Variants in SAMD4A observed in about 807,000 individuals in gnomAD.
SAMD4A encodes protein Smaug homolog 1.
A neutral mutation model predicts 81.3 loss-of-function variants in SAMD4A; 33 were observed. The observed-to-expected ratio is 0.41, with a 90% confidence interval of 0.31 to 0.54. SAMD4A has a LOEUF of 0.54. SAMD4A is among the 20% of genes least tolerant of loss of function. The pLI is 0.37. For synonymous variants in SAMD4A, 389 were observed against 382.1 expected (o/e 1.02, Z -0.21); for missense variants, 854 against 951.1 (o/e 0.90, Z 1.34).
intron 6 of SAMD4A, among the ~76,000 whole-genome samples, chr14:54,756,170 T>A (rs1037807172): frequency 2.0e-5 from 3 of 152,222 alleles, no homozygotes; most frequent in African/African-American, 7.2e-5. Context: ...GTATACTTTT[T>A]AAAAATGTTT....
chr14:54,706,633 A>G (rs939511395), intron 3 of SAMD4A, among the ~76,000 whole-genome samples: 10 of 148,850 alleles, frequency 6.7e-5, no homozygotes, highest in African/African-American at 2.2e-4. Flanking sequence ...AAGAAAGAAA[A>G]AAACCAGGAA....
intron 2 of SAMD4A, chr14:54,694,977 G>T: frequency 1.0e-6 from 1 of 957,558 alleles, no homozygotes; most frequent in Non-Finnish European, 1.2e-6. Context: ...CCTGGTTCTT[G>T]CCTTTTGAGG....
At position 54,594,533 on chromosome 14, in the gene SAMD4A, A is replaced by G. The variant is rs142239901; in HGVS notation, c.196+26421A>G. 3.3e-4 allele frequency among the ~76,000 whole-genome samples: 50 copies of G among 152,362 alleles called. No homozygotes were observed. In the East Asian group the frequency reaches 8.5e-3, roughly 26 times the overall value. On this transcript the variant is annotated intron_variant, in intron 2 of 12. Transcript: ENST00000554335. ...GTTTCTCCTGGCTAGAAGTAAGATG[A>G]TAAGTACAAACAGCAGGACAGAACT...
At chr14:54,584,450 T>C (rs118093713) in intron 2 of SAMD4A, among the ~76,000 whole-genome samples, 1 of 152,316 alleles carries the variant, frequency 6.6e-6, no homozygotes, top group East Asian at 1.9e-4. Context: ...GGGACAACTG[T>C]TCAGATTAAC....
At chr14:54,685,602 G>T in intron 2 of SAMD4A, 52 of 424,536 alleles carry the variant, frequency 1.2e-4, no homozygotes, top group Admixed American at 6.2e-4. Context: ...TTTTCTTTGT[G>T]GTTTCAGAAA....
chr14:54,774,842 G>GACC, intron 9 of SAMD4A, 92 bp from the exon 10 acceptor site: 2 of 921,152 alleles, frequency 2.2e-6, no homozygotes, highest in Non-Finnish European at 3.3e-6. Flanking sequence ...AAAATGAGGA[G>GACC]ACCTCCAAGG....
rs199805520 is a variant in SAMD4A, at chr14:54,788,921, G to T, written c.2134G>T (p.Val712Phe). ...TTTGCTGCTTTCTCTCCCAGACGGG[G>T]TTGACCGGACCTCCACCATCTAGAA... ...SMTEHALGDG[V>F]DRTSTI is the part of the protein sequence containing the mutation. The change falls in exon 13 of 13, where the codon GTT becomes TTT. Residue 712 changes from valine to phenylalanine, a missense_variant. By Grantham distance (50) the Val-to-Phe change is conservative (BLOSUM62 -1). Coordinates refer to ENST00000554335, the MANE Select transcript of SAMD4A (RefSeq NM_015589.6). 6.2e-7 allele frequency: 1 copy of T among 1,614,200 alleles called. No individual in the cohort carries two copies.
intron 2 of SAMD4A, among the ~76,000 whole-genome samples, chr14:54,684,788 G>A (rs1477147634): frequency 6.6e-6 from 1 of 152,232 alleles, no homozygotes; most frequent in Non-Finnish European, 1.5e-5. Flanking sequence ...TCCAGACCTG[G>A]GCCTTTGGCC....
intron 2 of SAMD4A, among the ~76,000 whole-genome samples, chr14:54,655,561 G>A (rs534420552): frequency 9.8e-4 from 142 of 144,960 alleles, no homozygotes; most frequent in African/African-American, 3.5e-3. Flanking sequence ...GAAAAACCCC[G>A]TCTCTACTAA....
At chr14:54,785,911 C>G (rs1291242555) in intron 12 of SAMD4A, among the ~76,000 whole-genome samples, 5 of 152,158 alleles carry the variant, frequency 3.3e-5, no homozygotes, top group Non-Finnish European at 7.3e-5. Context: ...GTGACTTCCC[C>G]CAGAGCTCTA....
At chr14:54,700,310 G>T (rs2036681969) in intron 2 of SAMD4A, among the ~76,000 whole-genome samples, 1 of 152,134 alleles carries the variant, frequency 6.6e-6, no homozygotes, top group Admixed American at 6.5e-5. Flanking sequence ...ACTTACCAAG[G>T]TTCTACCACA....
intron 3 of SAMD4A, among the ~76,000 whole-genome samples, chr14:54,731,123 G>A (rs1175658064): frequency 1.1e-4 from 16 of 152,144 alleles, no homozygotes; most frequent in African/African-American, 2.9e-4. Flanking sequence ...GAAGCAGGCC[G>A]AAACCTAACA....
intron 6 of SAMD4A, among the ~76,000 whole-genome samples, chr14:54,755,938 C>G (rs1357631011): frequency 2.0e-5 from 3 of 151,028 alleles, no homozygotes; most frequent in Admixed American, 2.0e-4. Flanking sequence ...TACACACACA[C>G]TCATGCATTC....
chr14:54,695,519 G>A (rs1475230518), intron 2 of SAMD4A, among the ~76,000 whole-genome samples: 2 of 152,186 alleles, frequency 1.3e-5, no homozygotes, highest in African/African-American at 2.4e-5. Context: ...ATGACCTAAG[G>A]TCAGAACGCC....
At chr14:54,640,746 G>A (rs370479078) in intron 2 of SAMD4A, among the ~76,000 whole-genome samples, 18 of 152,214 alleles carry the variant, frequency 1.2e-4, no homozygotes, top group Middle Eastern at 6.8e-3. Context: ...TCCTGCCTCC[G>A]AGAATGAGAA....
chr14:54,670,876 A>G (rs2035866231), intron 2 of SAMD4A, among the ~76,000 whole-genome samples: 1 of 152,232 alleles, frequency 6.6e-6, no homozygotes, highest in South Asian at 2.1e-4. Context: ...AAAAGTAAAT[A>G]TAAACATTGC....
chr14:54,617,215 G>A (rs368879447), intron 2 of SAMD4A, among the ~76,000 whole-genome samples: 34 of 152,140 alleles, frequency 2.2e-4, no homozygotes, highest in South Asian at 4.1e-4. Context: ...TAATGTATTC[G>A]TAGGATAAAA....
intron 2 of SAMD4A, among the ~76,000 whole-genome samples, chr14:54,592,695 G>A (rs1289144207): frequency 6.6e-6 from 1 of 152,132 alleles, no homozygotes; most frequent in East Asian, 1.9e-4. Flanking sequence ...TCCTGACCTC[G>A]TGATCCCCCT....
At chr14:54,689,602 A>G (rs2036377439) in intron 2 of SAMD4A, 3 of 152,202 alleles carry the variant, frequency 2.0e-5, no homozygotes, top group Non-Finnish European at 4.4e-5. Context: ...CCCACGCCAT[A>G]TTATCATTCT....
Sources: allele counts gnomAD v4.1 joint callset (sites outside exome capture counted in the v4.1 genomes callset), GRCh38; gene constraint gnomAD v4.1.1; transcripts MANE v1.5; gene names NCBI Gene and HGNC (gene_info 2026-07-23, HGNC 2026-07-21).